The following ASXL3 variants were observed in gnomAD, a reference collection of about 807,000 sequenced individuals.
ASXL3 encodes ASXL transcriptional regulator 3, also known as putative Polycomb group protein ASXL3.
In ASXL3, 34 loss-of-function variants were observed where a neutral mutation model predicts 170.6. The ratio of observed to expected loss-of-function variants is 0.20; its 90% confidence interval spans 0.15 to 0.27. The LOEUF is 0.27. ASXL3 is among the 10% of genes least tolerant of loss of function. ASXL3 has a pLI of 1.00. For missense variants in ASXL3, 2,592 were observed against 2,695.3 expected (o/e 0.96, Z 0.85); for synonymous variants, 1,002 against 989.1 (o/e 1.01, Z -0.24).
intron 5 of ASXL3, among the ~76,000 whole-genome samples, chr18:33,662,006 T>A (rs1301127307): frequency 6.6e-6 from 1 of 152,176 alleles, no homozygotes; most frequent in African/African-American, 2.4e-5. Context: ...TGTGTGTCTA[T>A]TTATGATTTA....
Position 33,744,392 on chromosome 18 carries a change from C to T in ASXL3, c.4544C>T (p.Ala1515Val), listed in dbSNP as rs370461495. The T allele has an allele frequency of 1.5e-5, 25 of 1,613,658 alleles. No individual in the cohort carries two copies. The highest frequency in any genetic ancestry group is 2.7e-5 in the African/African-American group (2 of 74,934). ...VRTEASVQPV[A>V]CPQVSVISRP... ...ACAGAGGCATCCGTACAGCCCGTGG[C>T]GTGTCCTCAGGTGTCTGTGATTAGC... Residue 1515 changes from alanine to valine, a missense_variant, in exon 12 of 12, where the codon GCG (alanine) becomes GTG (valine). This residue lies in a region of ASXL3 where 2,246 missense variants were observed against 2,219.6 expected (regional missense o/e 1.01). Coordinates refer to ENST00000269197, the MANE Select transcript of ASXL3 (RefSeq NM_030632.3).
chr18:33,698,175 C>T (rs1439490911), intron 8 of ASXL3, among the ~76,000 whole-genome samples: 1 of 152,036 alleles, frequency 6.6e-6, no homozygotes, highest in East Asian at 1.9e-4. Context: ...TGGGATTAAA[C>T]CCTTATAAAA....
chr18:33,603,006 G>GA (rs1374091210), intron 1 of ASXL3, among the ~76,000 whole-genome samples: 2 of 152,014 alleles, frequency 1.3e-5, no homozygotes, highest in South Asian at 4.1e-4. Flanking sequence ...ATTAATGTTA[G>GA]AAAAAGGGAG....
At chr18:33,698,558 G>A (rs1371653971) in intron 8 of ASXL3, among the ~76,000 whole-genome samples, 1 of 152,052 alleles carries the variant, frequency 6.6e-6, no homozygotes, top group Non-Finnish European at 1.5e-5. Flanking sequence ...ATGTATGCCT[G>A]TTAATTAAAA....
intron 2 of ASXL3, among the ~76,000 whole-genome samples, chr18:33,633,966 A>G: frequency 6.6e-6 from 1 of 152,190 alleles, no homozygotes; most frequent in East Asian, 1.9e-4. Context: ...AATAAATGTA[A>G]AAATCTAAAC....
intron 8 of ASXL3, among the ~76,000 whole-genome samples, chr18:33,709,631 C>G (rs747622889): frequency 2.6e-5 from 4 of 152,186 alleles, no homozygotes; most frequent in Non-Finnish European, 4.4e-5. Flanking sequence ...TGGGAGGGAG[C>G]ACTTCCAAGT....
At chr18:33,627,055 C>T (rs537818100) in intron 2 of ASXL3, 2 of 152,696 alleles carry the variant, frequency 1.3e-5, no homozygotes, top group Non-Finnish European at 2.9e-5. Flanking sequence ...GGAGTGGTTC[C>T]GTTCATTCCT....
At chr18:33,689,454 A>T (rs940496060) in intron 8 of ASXL3, among the ~76,000 whole-genome samples, 2 of 152,250 alleles carry the variant, frequency 1.3e-5, no homozygotes, top group Non-Finnish European at 2.9e-5. Flanking sequence ...AACAGCATCC[A>T]GTACTAAATC....
chr18:33,619,740 G>A (rs1350276532), intron 2 of ASXL3, among the ~76,000 whole-genome samples: 1 of 152,024 alleles, frequency 6.6e-6, no homozygotes, highest in Non-Finnish European at 1.5e-5. Context: ...TAACCTACTA[G>A]TCAAATCATA....
chr18:33,729,564 G>C (rs2067409118), intron 8 of ASXL3, among the ~76,000 whole-genome samples: 1 of 152,074 alleles, frequency 6.6e-6, no homozygotes, highest in Non-Finnish European at 1.5e-5. Flanking sequence ...TTCACGTTAA[G>C]CTCCCTCTGT....
chr18:33,636,048 T>C (rs1364750191), intron 2 of ASXL3, among the ~76,000 whole-genome samples: 1 of 152,144 alleles, frequency 6.6e-6, no homozygotes, highest in East Asian at 1.9e-4. Context: ...CCATGAGAGA[T>C]ATGCAAAGTA....
intron 9 of ASXL3, 105 bp downstream of exon 9, chr18:33,732,169 T>C (rs1339164088): frequency 7.9e-6 from 6 of 764,296 alleles, no homozygotes; most frequent in Non-Finnish European, 1.2e-5. Context: ...CACAGTACAC[T>C]TTAATTTAGT....
intron 8 of ASXL3, among the ~76,000 whole-genome samples, chr18:33,690,560 A>G (rs952851633): frequency 3.9e-5 from 6 of 152,172 alleles, no homozygotes; most frequent in African/African-American, 7.2e-5. Context: ...AGATAGCTCT[A>G]TCTTGTAAGC....
chr18:33,617,695 A>G (rs1179626403), intron 2 of ASXL3, among the ~76,000 whole-genome samples: 1 of 152,060 alleles, frequency 6.6e-6, no homozygotes, highest in African/African-American at 2.4e-5. Flanking sequence ...TTCTTTCTCC[A>G]TTCTTCCAAA....
chr18:33,627,192 A>C (rs1437072097), intron 2 of ASXL3: 4 of 152,142 alleles, frequency 2.6e-5, no homozygotes, highest in African/African-American at 9.7e-5. Context: ...TGGACAACTG[A>C]AGGCCAGGCA....
rs1050575816 is a variant in ASXL3, at chr18:33,585,108, T to C, written c.54+6423T>C. On this transcript the variant is annotated intron_variant, in intron 1 of 11. Coordinates refer to ENST00000269197, the MANE Select transcript of ASXL3 (RefSeq NM_030632.3). The stretch of plus-strand genomic sequence containing the variant: ...CTCAGTCCCTTCCTCTCACTCTGTC[T>C]TCCTCCTTCCTTCCCTCTTTTCCTT... 2.0e-5 allele frequency among the ~76,000 whole-genome samples: 3 copies of C among 152,028 alleles called. 1 individual carries two copies. The highest frequency in any genetic ancestry group is 2.0e-4 in the Admixed American group (3 of 15,254).
At chr18:33,639,810 C>G (rs2065820020) in intron 2 of ASXL3, among the ~76,000 whole-genome samples, 1 of 152,106 alleles carries the variant, frequency 6.6e-6, no homozygotes, top group Non-Finnish European at 1.5e-5. Flanking sequence ...TACAAACAGA[C>G]ATATTCATGC....
intron 2 of ASXL3, among the ~76,000 whole-genome samples, chr18:33,633,410 C>T (rs768225322): frequency 2.0e-5 from 3 of 151,998 alleles, no homozygotes; most frequent in Admixed American, 6.6e-5. Flanking sequence ...AAGAACATTA[C>T]GTGGATATTA....
chr18:33,738,197 G>T (rs1222323053), intron 10 of ASXL3, among the ~76,000 whole-genome samples: 1 of 151,430 alleles, frequency 6.6e-6, no homozygotes, highest in Non-Finnish European at 1.5e-5. Flanking sequence ...ATACTTTGTT[G>T]TATGTAATTT....
Sources: allele counts gnomAD v4.1 joint callset (sites outside exome capture counted in the v4.1 genomes callset), GRCh38; gene constraint gnomAD v4.1.1; regional missense constraint gnomAD v4.1.1; transcripts MANE v1.5; gene names NCBI Gene and HGNC (gene_info 2026-07-23, HGNC 2026-07-21).